Variants in LARGE1 observed in about 807,000 individuals in gnomAD.
LARGE1 encodes the protein LARGE xylosyl- and glucuronyltransferase 1.
A neutral mutation model predicts 87.6 loss-of-function variants in LARGE1; 43 were observed. That is an observed-to-expected ratio of 0.49 (90% confidence interval 0.38 to 0.63). LARGE1 has a LOEUF of 0.63. Ranked by LOEUF, LARGE1 falls within the 30% of genes least tolerant of loss-of-function variation. LARGE1 has a pLI of 0.00. For synonymous variants in LARGE1, 434 were observed against 394.6 expected (o/e 1.10, Z -1.18); for missense variants, 802 against 1,000.2 (o/e 0.80, Z 2.67).
At chr22:33,559,527 G>A (rs907835097) in intron 6 of LARGE1, among the ~76,000 whole-genome samples, 1 of 152,190 alleles carries the variant, frequency 6.6e-6, no homozygotes, top group African/African-American at 2.4e-5. Context: ...GGATGAACAA[G>A]GTCTGTCAAG....
intron 2 of LARGE1, among the ~76,000 whole-genome samples, chr22:33,692,728 C>T (rs2082131428): frequency 6.6e-6 from 1 of 152,214 alleles, no homozygotes; most frequent in South Asian, 2.1e-4. Context: ...ATATTTATCA[C>T]ACACATCATT....
At chr22:33,595,207 T>G (rs2078945528) in intron 5 of LARGE1, among the ~76,000 whole-genome samples, 1 of 152,124 alleles carries the variant, frequency 6.6e-6, no homozygotes, top group Non-Finnish European at 1.5e-5. Context: ...TATATATTTA[T>G]GGGGTACAAG....
intron 2 of LARGE1, among the ~76,000 whole-genome samples, chr22:33,682,257 A>C (rs2081797816): frequency 6.6e-6 from 1 of 152,206 alleles, no homozygotes; most frequent in Non-Finnish European, 1.5e-5. Context: ...TGCACATTTA[A>C]GTAATATTAA....
At chr22:33,442,887 G>A (rs1452512614) in intron 6 of LARGE1, among the ~76,000 whole-genome samples, 1 of 151,820 alleles carries the variant, frequency 6.6e-6, no homozygotes, top group Non-Finnish European at 1.5e-5. Flanking sequence ...CCGCCTCCCG[G>A]GTTCACGCCA....
At chr22:33,594,241 T>G (rs2078919029) in intron 5 of LARGE1, among the ~76,000 whole-genome samples, 1 of 152,142 alleles carries the variant, frequency 6.6e-6, no homozygotes, top group South Asian at 2.1e-4. Context: ...TTTCCTTGAG[T>G]TTCATCATCC....
intron 11 of LARGE1, among the ~76,000 whole-genome samples, chr22:33,224,126 C>T (rs765229111): frequency 9.9e-5 from 15 of 152,042 alleles, no homozygotes; most frequent in Non-Finnish European, 1.6e-4. Flanking sequence ...ATTAGCTGGG[C>T]GTGGTGGTGG....
At chr22:33,218,915 T>C (rs137460) in intron 11 of LARGE1, among the ~76,000 whole-genome samples, 6,374 of 152,262 alleles carry the variant, frequency 0.042, 197 homozygotes, top group Admixed American at 0.088. Flanking sequence ...TTCTCAGCAA[T>C]AGAATCCAAG....
At chr22:33,517,798 GC>G (rs1156347331) in intron 6 of LARGE1, among the ~76,000 whole-genome samples, 1 of 152,174 alleles carries the variant, frequency 6.6e-6, no homozygotes, top group African/African-American at 2.4e-5. Flanking sequence ...AGAATGCATG[GC>G]CTCAGTCCTG....
intron 2 of LARGE1, chr22:33,732,311 C>G (rs539155236): frequency 2.6e-5 from 4 of 152,312 alleles, no homozygotes; most frequent in African/African-American, 9.6e-5. Context: ...CCCTCCTTTC[C>G]TTCTGGCTGA....
chr22:33,425,130 C>T (rs574491593), intron 7 of LARGE1, among the ~76,000 whole-genome samples: 105 of 151,888 alleles, frequency 6.9e-4, no homozygotes, highest in African/African-American at 2.2e-3. Flanking sequence ...GGTGTGGTGG[C>T]GTGTGCCTGT....
Position 33,577,758 on chromosome 22 carries a change from C to T in LARGE1, c.616-12739G>A, listed in dbSNP as rs989940134. Among the ~76,000 whole-genome samples, 15 of 152,206 alleles carry T rather than the reference C, an allele frequency of 9.9e-5. No homozygotes were observed. In the South Asian group the frequency reaches 1.0e-3, roughly 10 times the overall value. On this transcript the variant is annotated intron_variant, in intron 5 of 14. Coordinates refer to ENST00000397394, the MANE Select transcript of LARGE1 (RefSeq NM_133642.5). ...CACCTTGCAGGTGAGTTTAAACACA[C>T]GGACAGCAACTTACAAGCAGGCAAA...
intron 5 of LARGE1, among the ~76,000 whole-genome samples, chr22:33,597,299 C>T (rs964955649): frequency 3.7e-5 from 5 of 136,340 alleles, no homozygotes; most frequent in Non-Finnish European, 7.9e-5. Flanking sequence ...AAAAAAAAAA[C>T]TTGTAAGTAT....
intron 11 of LARGE1, among the ~76,000 whole-genome samples, chr22:33,182,258 G>T (rs1210100913): frequency 6.6e-6 from 1 of 152,116 alleles, no homozygotes; most frequent in African/African-American, 2.4e-5. Flanking sequence ...ATATATTAGG[G>T]TTCTACAGTC....
intron 11 of LARGE1, among the ~76,000 whole-genome samples, chr22:33,181,827 C>CTTTTTTTTTTTTTTTTTT (rs56347007): frequency 7.8e-6 from 1 of 128,476 alleles, no homozygotes; most frequent in African/African-American, 3.2e-5. Context: ...TATGCCTGGC[C>CTTTTTTTTTTTTTTTTTT]TTTTTTTTTT....
intron 2 of LARGE1, among the ~76,000 whole-genome samples, chr22:33,742,114 A>G (rs570950206): frequency 2.0e-5 from 3 of 152,248 alleles, no homozygotes; most frequent in Middle Eastern, 6.8e-3. Flanking sequence ...AAGCAAAATC[A>G]TGGTCCCTGG....
chr22:33,784,996 T>C lies in LARGE1; in HGVS notation c.-82-23438A>G, dbSNP rs375305275. Reference sequence around the variant, plus strand: ...GTGTATACATACATATGTGTACGTGTATATACATATATGTGTATACATACA... The same window carrying C: ...GTGTATACATACATATGTGTACGTGCATATACATATATGTGTATACATACA... On this transcript the variant is annotated intron_variant, in intron 1 of 14. Coordinates refer to ENST00000397394, the MANE Select transcript of LARGE1 (RefSeq NM_133642.5). 1.6e-3 allele frequency among the ~76,000 whole-genome samples: 245 copies of C among 150,442 alleles called. 1 individual carries two copies. The highest frequency in any genetic ancestry group is 5.6e-3 in the African/African-American group (229 of 40,662).
At chr22:33,172,158 T>C (rs562640857) in intron 11 of LARGE1, among the ~76,000 whole-genome samples, 1 of 152,400 alleles carries the variant, frequency 6.6e-6, no homozygotes, top group African/African-American at 2.4e-5. Flanking sequence ...CCCTTTGTTT[T>C]GGCCAATTTC....
chr22:33,869,893 C>A (rs2064223119), intron 1 of LARGE1, among the ~76,000 whole-genome samples: 1 of 152,208 alleles, frequency 6.6e-6, no homozygotes, highest in African/African-American at 2.4e-5. Flanking sequence ...AAAACAGAAA[C>A]CGCTGATGTT....
chr22:33,431,121 G>T (rs1419627187), intron 7 of LARGE1, among the ~76,000 whole-genome samples: 1 of 152,190 alleles, frequency 6.6e-6, no homozygotes, highest in East Asian at 1.9e-4. Context: ...GGATACCACA[G>T]CAGTGGCAAT....
Sources: gnomAD v4.1 joint callset for allele counts (sites outside exome capture counted in the v4.1 genomes callset) on GRCh38, gnomAD v4.1.1 for gene constraint, MANE v1.5 for transcripts, NCBI Gene and HGNC (gene_info 2026-07-23, HGNC 2026-07-21) for gene names.